The following PKP4 variants were observed in gnomAD, a reference collection of about 807,000 sequenced individuals.
PKP4 encodes plakophilin 4.
In PKP4, 90 loss-of-function variants were observed where a neutral mutation model predicts 145.1. The observed-to-expected ratio is 0.62, with a 90% CI of 0.52 to 0.74. PKP4 has a LOEUF of 0.74. Ranked by LOEUF, PKP4 falls within the 30% of genes least tolerant of loss-of-function variation. The pLI, the probability that PKP4 is intolerant of heterozygous loss-of-function variation, is 0.00. For synonymous variants in PKP4, 563 were observed against 577.2 expected (o/e 0.98, Z 0.35); for missense variants, 1,340 against 1,482.7 (o/e 0.90, Z 1.58).
chr2:158,467,054 A>G (rs150425047), intron 1 of PKP4, among the ~76,000 whole-genome samples: 35 of 152,350 alleles, frequency 2.3e-4, no homozygotes, highest in African/African-American at 8.4e-4. Flanking sequence ...GAGTAATGAA[A>G]CAAAATTTCA....
At chr2:158,590,361 T>A (rs1380474837) in intron 3 of PKP4, among the ~76,000 whole-genome samples, 1 of 122,754 alleles carries the variant, frequency 8.1e-6, no homozygotes, top group African/African-American at 2.7e-5. Context: ...GTGTGTGTAT[T>A]GTGTATTTCT....
chr2:158,664,315 G>T (rs36046609), intron 15 of PKP4, among the ~76,000 whole-genome samples: 1 of 152,156 alleles, frequency 6.6e-6, no homozygotes. Context: ...CTGTGTCTAA[G>T]GTTTCTGCAT....
intron 1 of PKP4, among the ~76,000 whole-genome samples, chr2:158,461,889 C>T (rs1281210861): frequency 6.6e-6 from 1 of 152,170 alleles, no homozygotes; most frequent in Non-Finnish European, 1.5e-5. Flanking sequence ...GAGGAAGCTC[C>T]TTATGGCCTG....
At chr2:158,573,616 T>G in intron 2 of PKP4, among the ~76,000 whole-genome samples, 1 of 143,810 alleles carries the variant, frequency 7.0e-6, no homozygotes, top group Non-Finnish European at 1.5e-5. Context: ...ACAATATATT[T>G]AAATTGGGAG....
intron 1 of PKP4, among the ~76,000 whole-genome samples, chr2:158,509,744 T>C (rs1305942578): frequency 1.3e-5 from 2 of 152,092 alleles, no homozygotes; most frequent in Non-Finnish European, 2.9e-5. Flanking sequence ...GGTCGGGAGT[T>C]TGAGACCAGC....
At chr2:158,461,671 G>A (rs1279571345) in intron 1 of PKP4, among the ~76,000 whole-genome samples, 1 of 152,118 alleles carries the variant, frequency 6.6e-6, no homozygotes, top group African/African-American at 2.4e-5. Context: ...TAGGGAGGGA[G>A]GGGGCCAGGG....
At chr2:158,585,085 GCA>G (rs1232049135) in intron 3 of PKP4, among the ~76,000 whole-genome samples, 1 of 152,144 alleles carries the variant, frequency 6.6e-6, no homozygotes, top group Admixed American at 6.5e-5. Context: ...TGGAAGTAAA[GCA>G]CAGTTTAGAT....
At chr2:158,657,423 G>T (rs368682663) in intron 11 of PKP4, among the ~76,000 whole-genome samples, 1 of 152,132 alleles carries the variant, frequency 6.6e-6, no homozygotes, top group Non-Finnish European at 1.5e-5. Context: ...CAATACAGGC[G>T]ATTCTTAATT....
chr2:158,633,872 A>C (rs2053596886), intron 8 of PKP4, among the ~76,000 whole-genome samples, 198 bp from the exon 9 acceptor site: 1 of 152,230 alleles, frequency 6.6e-6, no homozygotes, highest in Admixed American at 6.5e-5. Context: ...TTGCTAAAAA[A>C]TTAACAAAAT....
At chr2:158,523,227 C>G (rs990044465) in intron 1 of PKP4, among the ~76,000 whole-genome samples, 1 of 150,178 alleles carries the variant, frequency 6.7e-6, no homozygotes. Context: ...ACTTAAATGT[C>G]CCTGTCTGAC....
chr2:158,658,040 T>G, intron 11 of PKP4, 91 bp from the exon 12 acceptor site: 1 of 773,158 alleles, frequency 1.3e-6, no homozygotes, highest in Non-Finnish European at 2.1e-6. Context: ...TGGAACAGAC[T>G]GACTTCATAT....
rs755800219 is a variant in PKP4 at position 158,676,971 on chromosome 2, C to G, written c.3256+104C>G. On this transcript the variant is annotated intron_variant, in intron 20 of 21. Coordinates refer to ENST00000389759, the MANE Select transcript of PKP4 (RefSeq NM_003628.6). ...AGCCTGTGCTTGTATTGAGACAGTC[C>G]CCCAGCAGCAAACCATGTTCCAGTC... The G allele has an allele frequency of 2.3e-6, 3 of 1,328,506 alleles. No homozygotes were observed. The Admixed American group carries it at 5.3e-5, about 23-fold the overall frequency. 82.3% of individuals were successfully genotyped at this position (1,328,506 alleles called of 1,614,324 possible).
chr2:158,637,892 A>AT (rs1329180288), intron 9 of PKP4, among the ~76,000 whole-genome samples: 1 of 152,142 alleles, frequency 6.6e-6, no homozygotes, highest in Non-Finnish European at 1.5e-5. Context: ...TCGAGGGTAA[A>AT]TTTCTACTGA....
chr2:158,469,978 T>C (rs961185902), intron 1 of PKP4, among the ~76,000 whole-genome samples: 1 of 152,160 alleles, frequency 6.6e-6, no homozygotes, highest in African/African-American at 2.4e-5. Context: ...TCCCTGGCCC[T>C]TCGCTCTGCC....
intron 4 of PKP4, among the ~76,000 whole-genome samples, chr2:158,604,488 A>C (rs2050486977): frequency 6.6e-6 from 1 of 152,208 alleles, no homozygotes; most frequent in East Asian, 1.9e-4. Context: ...AGGAAAAATT[A>C]GTGACAAGAT....
At chr2:158,505,672 A>C (rs1468513167) in intron 1 of PKP4, among the ~76,000 whole-genome samples, 2 of 151,984 alleles carry the variant, frequency 1.3e-5, no homozygotes, top group Non-Finnish European at 2.9e-5. Flanking sequence ...AGGGTTTTGG[A>C]GTGGCAGGGA....
chr2:158,549,684 A>G (rs895994332), intron 2 of PKP4, among the ~76,000 whole-genome samples: 5 of 152,182 alleles, frequency 3.3e-5, no homozygotes, highest in African/African-American at 1.2e-4. Context: ...TGAATAGCCC[A>G]GTATTTTAAT....
chr2:158,588,333 C>G (rs928290559), intron 3 of PKP4: 7 of 152,228 alleles, frequency 4.6e-5, no homozygotes, highest in Non-Finnish European at 7.4e-5. Context: ...GCTTTCTTTC[C>G]TTCTTTCTTT....
At chr2:158,625,470 ATCT>A (rs1341777533) in intron 7 of PKP4, 43 bp downstream of exon 7, 8 of 1,465,838 alleles carry the variant, frequency 5.5e-6, no homozygotes, top group Non-Finnish European at 7.4e-6. Flanking sequence ...CAGTGAGGAA[ATCT>A]TCTGTGTAAC....
Sources: allele counts gnomAD v4.1 joint callset (sites outside exome capture counted in the v4.1 genomes callset), GRCh38; gene constraint gnomAD v4.1.1; transcripts MANE v1.5; gene names NCBI Gene and HGNC (gene_info 2026-07-23, HGNC 2026-07-21).